The following CD34 variants were observed in gnomAD, a reference collection of about 807,000 sequenced individuals.
CD34 encodes the protein hematopoietic progenitor cell antigen CD34.
A neutral mutation model predicts 40.1 loss-of-function variants in CD34; 34 were observed. That is an observed-to-expected ratio of 0.85 (90% CI 0.65 to 1.13). The LOEUF (loss-of-function observed/expected upper bound fraction) is 1.13, where lower values mean the gene tolerates loss of function less well. CD34 is among the 50% of genes most tolerant of loss of function. CD34 has a pLI of 0.00. For missense variants in CD34, 426 were observed against 466.9 expected, an observed-to-expected ratio of 0.91 and a Z score of 0.81; for synonymous variants, 209 against 190.0, an observed-to-expected ratio of 1.10 and a Z score of -0.82.
chr1:207,887,722 G>T lies in CD34; in HGVS notation c.*16C>A. 6.2e-7 allele frequency: 1 copy of T among 1,614,054 alleles called. No individual in the cohort carries two copies. Among genetic ancestry groups the T allele is most frequent in the Non-Finnish European group, 8.5e-7 (1 of 1,179,988 alleles). ...GCTCTCTCGGACACTGCCCAGCCTT[G>T]CCCCACCTAGCCGAGTCACAATTCG... On this transcript the variant is annotated 3_prime_UTR_variant, in exon 8 of 8. Transcript: ENST00000310833.
At chr1:207,892,609 GGT>G (rs1662061892) in intron 4 of CD34, among the ~76,000 whole-genome samples, 1 of 151,664 alleles carries the variant, frequency 6.6e-6, no homozygotes, top group Non-Finnish European at 1.5e-5. Context: ...TGTCCAATGT[GGT>G]GTTGAGAATC....
Position 207,884,552 on chromosome 1 carries a change from C to T in CD34, c.*3186G>A, listed in dbSNP as rs570857982. 3.9e-4 allele frequency: 60 copies of T among 152,322 alleles called. No individual in the cohort carries two copies. The highest frequency in any genetic ancestry group is 1.4e-3 in the African/African-American group (58 of 41,554). 9.4% of individuals were successfully genotyped at this position (152,322 alleles called of 1,614,324 possible). A position where few individuals can be genotyped will look rare whatever the true frequency, so the allele number is the denominator to read the frequency against. On this transcript the variant is annotated 3_prime_UTR_variant, in exon 8 of 8. Coordinates refer to ENST00000310833, the MANE Select transcript of CD34 (RefSeq NM_001025109.2). ...TAGGAAGAGAAGCAGCATCCTGTTG[C>T]ACAAAATCGATGACCTATTACTGGT...
At chr1:207,888,129 A>G (rs1296857488) in intron 7 of CD34, 1 of 1,613,842 alleles carries the variant, frequency 6.2e-7, no homozygotes. Context: ...CTAGAGGAGA[A>G]AGGACATAGG....
At chr1:207,900,379 A>T (rs868730819) in intron 1 of CD34, among the ~76,000 whole-genome samples, 51 of 152,228 alleles carry the variant, frequency 3.4e-4, no homozygotes, top group African/African-American at 1.2e-3. Context: ...ACGTGGAACT[A>T]TGAGGTGATG....
chr1:207,900,124 G>T, intron 1 of CD34, 121 bp from the exon 2 acceptor site: 2 of 731,050 alleles, frequency 2.7e-6, no homozygotes, highest in South Asian at 3.9e-5. Flanking sequence ...CCCCTTGTTG[G>T]CAGCAACAAG....
chr1:207,888,081 A>G (rs1661945342), intron 7 of CD34, 158 bp from the exon 8 acceptor site: 4 of 1,613,480 alleles, frequency 2.5e-6, no homozygotes, highest in Non-Finnish European at 3.4e-6. Context: ...GCATGTGCAG[A>G]CTCCTTTCTT....
rs1661855844 is a variant in CD34, at chr1:207,884,098, G to A, written c.*3640C>T. The A allele has an allele frequency of 1.3e-5, 2 of 152,022 alleles. No individual in the cohort carries two copies. Among genetic ancestry groups the A allele is most frequent in the African/African-American group, 4.8e-5 (2 of 41,396 alleles). 9.4% of individuals were successfully genotyped at this position (152,022 alleles called of 1,614,324 possible). A position where few individuals can be genotyped will look rare whatever the true frequency, so the allele number is the denominator to read the frequency against. Reference sequence around the variant, plus strand: ...ATGGCCATCTTGCCCCCTGCCATCTGAGGCTTTCTGCACTTGGCAGCTTTT... The same window carrying A: ...ATGGCCATCTTGCCCCCTGCCATCTAAGGCTTTCTGCACTTGGCAGCTTTT... On this transcript the variant is annotated 3_prime_UTR_variant, in exon 8 of 8. Coordinates refer to ENST00000310833, the MANE Select transcript of CD34 (RefSeq NM_001025109.2).
chr1:207,896,194 TC>T (rs1284725513), intron 4 of CD34, among the ~76,000 whole-genome samples: 2 of 152,212 alleles, frequency 1.3e-5, no homozygotes, highest in African/African-American at 4.8e-5. Flanking sequence ...CTTAGATGGA[TC>T]CCCAACTTGT....
At chr1:207,889,792 C>T in intron 4 of CD34, 171 bp from the exon 5 acceptor site, 1 of 1,574,502 alleles carries the variant, frequency 6.4e-7, no homozygotes, top group Non-Finnish European at 8.6e-7. Flanking sequence ...TGTGCAACAA[C>T]ACAATAAGAA....
chr1:207,904,513 A>G (rs755841368), intron 1 of CD34, among the ~76,000 whole-genome samples: 4 of 152,238 alleles, frequency 2.6e-5, no homozygotes, highest in Non-Finnish European at 5.9e-5. Context: ...AAGTTACTTC[A>G]ACTCTGTAAA....
intron 2 of CD34, 102 bp from the exon 3 acceptor site, chr1:207,899,328 G>A: frequency 8.0e-7 from 1 of 1,256,790 alleles, no homozygotes; most frequent in Non-Finnish European, 1.1e-6. Context: ...AGAAAAGGGA[G>A]TTTGGGGAGT....
chr1:207,887,329 C>T lies in CD34; in HGVS notation c.*409G>A, dbSNP rs576415371. The T allele has an allele frequency of 4.5e-5, 8 of 178,672 alleles. No homozygotes were observed. The South Asian group carries it at 9.1e-4, about 20-fold the overall frequency. The allele number at this position is 178,672 out of a possible 1,614,324, so 11.1% of individuals were successfully genotyped here. A position where few individuals can be genotyped will look rare whatever the true frequency, so the allele number is the denominator to read the frequency against. The stretch of plus-strand genomic sequence containing the variant: ...AGAGAAAGAAAATACAGGGAAGAAA[C>T]GGTAAAAATCAAAGCTTCCTGGGAG... On this transcript the variant is annotated 3_prime_UTR_variant, in exon 8 of 8. Transcript: ENST00000310833.
At position 207,911,106 on chromosome 1, in the gene CD34, C is replaced by A. The variant is rs777338501; in HGVS notation, c.-26G>T. 7 of 1,555,392 alleles carry A rather than the reference C, an allele frequency of 4.5e-6. No individual in the cohort carries two copies. Among genetic ancestry groups the A allele is most frequent in the Non-Finnish European group, 6.1e-6 (7 of 1,154,016 alleles). On this transcript the variant is annotated 5_prime_UTR_variant, in exon 1 of 8. Coordinates refer to ENST00000310833, the MANE Select transcript of CD34 (RefSeq NM_001025109.2). ...CCTTCCCGCGCGGCTCCTAGAGAGA[C>A]GCACCGAGTGGAAGACACTACTCGG...
chr1:207,899,218 CTG>C lies in CD34; in HGVS notation c.269_270del (p.Thr90SerfsTer47), dbSNP rs772955563. ...ATCACAGAGGTAGATGTGAATTTGA[CTG>C]TCGTTTCTGGAAGAGACCAAAACAT... ...NEATTNITETTVKFTSTSVIT... is the reference protein window; with the variant it reads ...NEATTNITETXVKFTSTSVIT... On this transcript the variant is annotated frameshift_variant, in exon 3 of 8. Transcript: ENST00000310833. LOFTEE classifies it high-confidence loss of function. The C allele has an allele frequency of 1.9e-6, 3 of 1,613,980 alleles. No homozygotes were observed. The African/African-American group carries it at 4.0e-5, about 22-fold the overall frequency.
At chr1:207,889,119 CCCCGGCAT>C in intron 6 of CD34, 34 bp downstream of exon 6, 1 of 1,232,470 alleles carries the variant, frequency 8.1e-7, no homozygotes, top group Non-Finnish European at 1.2e-6. Flanking sequence ...AGCCCCCCTG[CCCCGGCAT>C]TCCCTCTCAG....
chr1:207,889,752 A>G, intron 4 of CD34, 131 bp from the exon 5 acceptor site: 1 of 1,540,242 alleles, frequency 6.5e-7, no homozygotes, highest in Non-Finnish European at 8.7e-7. Context: ...TAAAATTCCA[A>G]CAGAAAAAAA....
chr1:207,906,633 T>C (rs1212937955), intron 1 of CD34, among the ~76,000 whole-genome samples: 2 of 152,080 alleles, frequency 1.3e-5, no homozygotes, highest in East Asian at 1.9e-4. Flanking sequence ...TCATCTGAAG[T>C]CAGGAGTTCG....
rs372010567 is a variant in CD34 at position 207,899,799 on chromosome 1, C to A, written c.262+22G>T. On this transcript the variant is annotated intron_variant, in intron 2 of 7. Coordinates refer to ENST00000310833, the MANE Select transcript of CD34 (RefSeq NM_001025109.2). ...AGCATCACCAGCATCTCTCCGGGAT[C>A]TGACACAAATGCTGTTTTTACCTGT... 4 of 1,597,312 alleles carry A rather than the reference C, an allele frequency of 2.5e-6. No homozygotes were observed. In the African/African-American group the frequency reaches 5.4e-5, roughly 21 times the overall value.
chr1:207,887,896 C>CGTTT lies in CD34; in HGVS notation c.996_999dup (p.Gly334LysfsTer8). 1 of 1,614,038 alleles carries CGTTT rather than the reference C, an allele frequency of 6.2e-7. No homozygotes were observed. The highest frequency in any genetic ancestry group is 8.5e-7 in the Non-Finnish European group (1 of 1,179,996). Reference sequence around the variant, plus strand: ...CCTGAGCTATAGCCCTGGCCTCCACCGTTTTCCGTGTAATAAGGGTCTTCG... The same window carrying CGTTT: ...CCTGAGCTATAGCCCTGGCCTCCACCGTTTGTTTTCCGTGTAATAAGGGTCTTCG... On this transcript the variant is annotated frameshift_variant, in exon 8 of 8. Transcript: ENST00000310833. LOFTEE classifies it high-confidence loss of function.
Sources: allele counts gnomAD v4.1 joint callset (sites outside exome capture counted in the v4.1 genomes callset), GRCh38; gene constraint gnomAD v4.1.1; transcripts MANE v1.5; gene names NCBI Gene and HGNC (gene_info 2026-07-23, HGNC 2026-07-21).